The following CCDC68 variants were observed in gnomAD, a reference collection of about 807,000 sequenced individuals.
The protein encoded by CCDC68 is coiled-coil domain containing 68, also known as coiled-coil domain-containing protein 68.
CCDC68 carries 45 observed loss-of-function variants against 47.1 expected under a neutral mutation model. That is an observed-to-expected ratio of 0.96 (90% confidence interval 0.75 to 1.23). The LOEUF (loss-of-function observed/expected upper bound fraction) is 1.23. CCDC68 is among the 50% of genes most tolerant of loss of function. CCDC68 has a pLI of 0.00. For synonymous variants in CCDC68, 131 were observed against 129.5 expected (o/e 1.01, Z -0.08); for missense variants, 353 against 373.6 (o/e 0.94, Z 0.45).
In CCDC68 at chr18:54,902,540, T is replaced by C. The variant is rs1467316294; in HGVS notation, c.*1818A>G. On this transcript the variant is annotated 3_prime_UTR_variant, in exon 12 of 12. Transcript: ENST00000591504. ...GTGACATAAAGTCATAAATAATAAA[T>C]GTATGATAAACAGATTTTTAGCAGG... 1 of 152,202 alleles carries C rather than the reference T, an allele frequency of 6.6e-6. No homozygotes were observed. Among genetic ancestry groups the C allele is most frequent in the African/African-American group, 2.4e-5 (1 of 41,446 alleles). The allele number at this position is 152,202 out of a possible 1,614,324, so 9.4% of individuals were successfully genotyped here.
intron 8 of CCDC68, 84 bp downstream of exon 8, chr18:54,928,713 CAGA>C (rs2044189446): frequency 2.5e-6 from 2 of 802,704 alleles, no homozygotes. Flanking sequence ...CTTTGGGGGA[CAGA>C]AGGTCTTCTG....
At chr18:54,912,048 G>C (rs963317599) in intron 10 of CCDC68, among the ~76,000 whole-genome samples, 4 of 152,150 alleles carry the variant, frequency 2.6e-5, no homozygotes, top group African/African-American at 7.2e-5. Flanking sequence ...TCTAAGGATA[G>C]TTTATTGACA....
intron 1 of CCDC68, among the ~76,000 whole-genome samples, chr18:54,956,953 A>G (rs2044721782): frequency 6.6e-6 from 1 of 152,208 alleles, no homozygotes; most frequent in East Asian, 1.9e-4. Context: ...AGGAAAAGTA[A>G]GAATAACTTG....
In CCDC68 at chr18:54,902,662, C is replaced by T. The variant is rs1913751375; in HGVS notation, c.*1696G>A. The T allele has an allele frequency of 6.6e-6, 1 of 152,180 alleles. No homozygotes were observed. The highest frequency in any genetic ancestry group is 2.1e-4 in the South Asian group (1 of 4,830). The allele number at this position is 152,180 out of a possible 1,614,324, so 9.4% of individuals were successfully genotyped here. ...TTGATTTTATCAGTATTTGTTGTTT[C>T]TTACTGTCATCCACAAAATAACACA... is the stretch of plus-strand genomic sequence containing the variant. On this transcript the variant is annotated 3_prime_UTR_variant, in exon 12 of 12. Transcript: ENST00000591504.
In CCDC68 at chr18:54,919,507, A is replaced by C. The variant is rs930011763; in HGVS notation, c.684-131T>G. The stretch of plus-strand genomic sequence containing the variant: ...CAGTTGGGTAAGACCCCGGGGCCCC[A>C]TTATGCCACATAGGACACACTGAAG... On this transcript the variant is annotated intron_variant, in intron 8 of 11. Coordinates refer to ENST00000591504, the MANE Select transcript of CCDC68 (RefSeq NM_025214.3). 4 of 681,250 alleles carry C rather than the reference A, an allele frequency of 5.9e-6. No homozygotes were observed. In the African/African-American group the frequency reaches 7.0e-5, roughly 12 times the overall value. The allele number at this position is 681,250 out of a possible 1,614,324, so 42.2% of individuals were successfully genotyped here. A position where few individuals can be genotyped will look rare whatever the true frequency, so the allele number is the denominator to read the frequency against.
At chr18:54,925,157 C>T (rs905348289) in intron 8 of CCDC68, among the ~76,000 whole-genome samples, 2 of 152,134 alleles carry the variant, frequency 1.3e-5, no homozygotes, top group African/African-American at 4.8e-5. Context: ...GGGTTGGCTG[C>T]TGGAAAATTT....
At chr18:54,956,224 G>T (rs1375323396) in intron 1 of CCDC68, among the ~76,000 whole-genome samples, 1 of 152,160 alleles carries the variant, frequency 6.6e-6, no homozygotes, top group Non-Finnish European at 1.5e-5. Flanking sequence ...TCCTGACCTC[G>T]TGATCTGCCC....
chr18:54,916,156 G>A (rs1444638459), intron 10 of CCDC68, among the ~76,000 whole-genome samples: 1 of 152,060 alleles, frequency 6.6e-6, no homozygotes, highest in African/African-American at 2.4e-5. Context: ...GTGAACACTA[G>A]TTTTGAGCCA....
Position 54,907,779 on chromosome 18 carries a change from A to T in CCDC68, c.950+7T>A. ...GAAGACAGGGTGGAAGAGGACAGAG[A>T]CCTTACCTTGTAGAGACAGCCTTAG... On this transcript the variant is annotated splice_region_variant and intron_variant, in intron 11 of 11. Coordinates refer to ENST00000591504, the MANE Select transcript of CCDC68 (RefSeq NM_025214.3). 1 of 1,534,502 alleles carries T rather than the reference A, an allele frequency of 6.5e-7. No homozygotes were observed. Among genetic ancestry groups the T allele is most frequent in the Non-Finnish European group, 9.0e-7 (1 of 1,107,574 alleles).
At chr18:54,936,236 AAAATATATAGT>A in intron 6 of CCDC68, among the ~76,000 whole-genome samples, 2 of 143,346 alleles carry the variant, frequency 1.4e-5, no homozygotes, top group African/African-American at 2.5e-5. Flanking sequence ...ATATTTTTAA[AAAATATATAGT>A]TATATATATT....
chr18:54,915,143 T>C (rs1403055943), intron 10 of CCDC68, among the ~76,000 whole-genome samples: 1 of 152,192 alleles, frequency 6.6e-6, no homozygotes, highest in Non-Finnish European at 1.5e-5. Context: ...TTAAAACATA[T>C]TACAGATGTA....
chr18:54,922,961 C>G (rs545361637), intron 8 of CCDC68, among the ~76,000 whole-genome samples: 1 of 134,068 alleles, frequency 7.5e-6, no homozygotes, highest in East Asian at 2.2e-4. Context: ...GCAATCCAGC[C>G]TGGGTGACAG....
chr18:54,935,076 T>C lies in CCDC68; in HGVS notation c.472-128A>G, dbSNP rs541482165. ...AATTCATACTTGTTTAGAATTACTC[T>C]TTTGATTTCAGTGTTTACTTCAAAA... On this transcript the variant is annotated intron_variant, in intron 6 of 11. Coordinates refer to ENST00000591504, the MANE Select transcript of CCDC68 (RefSeq NM_025214.3). 3 of 641,106 alleles carry C rather than the reference T, an allele frequency of 4.7e-6. No homozygotes were observed. In the South Asian group the frequency reaches 1.2e-4, roughly 25 times the overall value. 39.7% of individuals were successfully genotyped at this position (641,106 alleles called of 1,614,324 possible). A position where few individuals can be genotyped will look rare whatever the true frequency, so the allele number is the denominator to read the frequency against.
intron 4 of CCDC68, among the ~76,000 whole-genome samples, chr18:54,939,102 T>G (rs895846611): frequency 4.6e-5 from 7 of 152,192 alleles, no homozygotes; most frequent in Non-Finnish European, 1.0e-4. Context: ...TTCACTACAA[T>G]ATAATAACTA....
rs80166652 is a variant in CCDC68 at position 54,928,581 on chromosome 18, T to C, written c.683+219A>G. ...AGGGTTCCCTGCACCCCCAGTGAAC[T>C]CTGCCCCCGGCTCCCAACTGCCCTG... On this transcript the variant is annotated intron_variant, in intron 8 of 11. Coordinates refer to ENST00000591504, the MANE Select transcript of CCDC68 (RefSeq NM_025214.3). Among the ~76,000 whole-genome samples, 892 of 152,282 alleles carry C rather than the reference T, an allele frequency of 5.9e-3. 43 individuals are homozygous for C. The East Asian group carries it at 0.088, about 15-fold the overall frequency.
intron 2 of CCDC68, 112 bp downstream of exon 2, chr18:54,945,276 T>C (rs1255055744): frequency 1.3e-5 from 2 of 152,174 alleles, no homozygotes; most frequent in African/African-American, 4.8e-5. Context: ...CTATAATAAA[T>C]AGTAAATAAC....
chr18:54,950,625 T>G (rs1483701766), intron 1 of CCDC68, among the ~76,000 whole-genome samples: 1 of 152,190 alleles, frequency 6.6e-6, no homozygotes, highest in Non-Finnish European at 1.5e-5. Context: ...AGAAAATTCT[T>G]AGATATAAGA....
At chr18:54,923,371 C>CA (rs1234689404) in intron 8 of CCDC68, among the ~76,000 whole-genome samples, 2 of 150,964 alleles carry the variant, frequency 1.3e-5, no homozygotes, top group Admixed American at 1.3e-4. Context: ...ATTTTTCTAT[C>CA]AAAAATCCCA....
At chr18:54,927,900 G>A (rs1033475886) in intron 8 of CCDC68, among the ~76,000 whole-genome samples, 2 of 152,144 alleles carry the variant, frequency 1.3e-5, no homozygotes, top group African/African-American at 2.4e-5. Flanking sequence ...GATAAAAAAG[G>A]AAAGGAAGCA....
Sources: gnomAD v4.1 joint callset for allele counts (sites outside exome capture counted in the v4.1 genomes callset) on GRCh38, gnomAD v4.1.1 for gene constraint, MANE v1.5 for transcripts, NCBI Gene and HGNC (gene_info 2026-07-23, HGNC 2026-07-21) for gene names.